The following TRPC1 variants were observed in gnomAD, a reference collection of about 807,000 sequenced individuals.
TRPC1 encodes transient receptor potential cation channel subfamily C member 1.
In TRPC1, 42 loss-of-function variants were observed where a neutral mutation model predicts 88.2. The ratio of observed to expected loss-of-function variants is 0.48; its 90% CI spans 0.37 to 0.62. The LOEUF (loss-of-function observed/expected upper bound fraction) is 0.62, where lower values mean the gene tolerates loss of function less well. TRPC1 is among the 20% of genes least tolerant of loss of function. The pLI is 0.00. For missense variants in TRPC1, 699 were observed against 957.3 expected (o/e 0.73, Z 3.56); for synonymous variants, 288 against 331.8 (o/e 0.87, Z 1.43).
At chr3:142,774,825 G>A (rs373406617) in intron 4 of TRPC1, among the ~76,000 whole-genome samples, 8 of 151,984 alleles carry the variant, frequency 5.3e-5, no homozygotes, top group Admixed American at 1.3e-4. Flanking sequence ...TTCATTATTC[G>A]TCAGATTATA....
In TRPC1 at chr3:142,724,576, A is replaced by T. The variant is rs2107997472; in HGVS notation, c.17A>T (p.Tyr6Phe). The T allele has an allele frequency of 6.3e-6, 10 of 1,582,656 alleles. No homozygotes were observed. The South Asian group carries it at 1.0e-4, about 16-fold the overall frequency. The stretch of plus-strand genomic sequence containing the variant: ...TGGGCCGCGATGATGGCGGCCCTGT[A>T]CCCGAGCACGGACCTCTCGGGCGCC... Reference protein sequence around the residue: MMAALYPSTDLSGASS... With the variant: MMAALFPSTDLSGASS... The change falls in exon 1 of 13, where the codon TAC becomes TTC. Residue 6 changes from tyrosine (Y) to phenylalanine (F), a missense_variant. Tyr to Phe is a conservative substitution (Grantham distance 22). Coordinates refer to ENST00000476941, the MANE Select transcript of TRPC1 (RefSeq NM_001251845.2). The surrounding 1 kb of genome is among the most constrained non-coding windows in gnomAD (Gnocchi z 5.6).
At chr3:142,796,783 G>A (rs1052235105) in intron 9 of TRPC1, among the ~76,000 whole-genome samples, 3 of 152,120 alleles carry the variant, frequency 2.0e-5, no homozygotes, top group African/African-American at 7.2e-5. Context: ...ACTAAGTAGT[G>A]AGAGGGTTCT....
chr3:142,740,368 C>G (rs925852447), intron 2 of TRPC1, among the ~76,000 whole-genome samples: 19 of 152,186 alleles, frequency 1.2e-4, no homozygotes, highest in African/African-American at 4.6e-4. Flanking sequence ...GTTGATTTGG[C>G]AGCTATCAGG....
intron 2 of TRPC1, among the ~76,000 whole-genome samples, chr3:142,741,308 T>C (rs933826007): frequency 7.2e-5 from 11 of 152,086 alleles, no homozygotes; most frequent in South Asian, 2.1e-4. Flanking sequence ...GAAATTTTAA[T>C]GTAAATGAAT....
intron 7 of TRPC1, among the ~76,000 whole-genome samples, chr3:142,787,382 A>T (rs1385391892): frequency 6.6e-6 from 1 of 152,228 alleles, no homozygotes; most frequent in Non-Finnish European, 1.5e-5. Context: ...ATTTCAAGCA[A>T]TGAACACAGT....
intron 4 of TRPC1, among the ~76,000 whole-genome samples, chr3:142,765,540 C>G (rs1391986569): frequency 2.0e-5 from 3 of 151,898 alleles, no homozygotes; most frequent in African/African-American, 7.3e-5. Context: ...TGATCTTTGA[C>G]AAAGTAAACA....
chr3:142,736,074 T>C (rs551358829), intron 1 of TRPC1, among the ~76,000 whole-genome samples: 1 of 152,252 alleles, frequency 6.6e-6, no homozygotes, highest in East Asian at 1.9e-4. Context: ...TTAAATTGCT[T>C]TAAATATCTT....
intron 3 of TRPC1, among the ~76,000 whole-genome samples, chr3:142,744,535 C>A (rs1302202547): frequency 6.6e-6 from 1 of 151,922 alleles, no homozygotes; most frequent in Non-Finnish European, 1.5e-5. Context: ...CATATATGTA[C>A]AATGGAATAT....
intron 10 of TRPC1, among the ~76,000 whole-genome samples, chr3:142,803,483 T>C (rs368936581): frequency 3.9e-5 from 6 of 152,252 alleles, no homozygotes; most frequent in East Asian, 1.9e-4. Flanking sequence ...GGATTTTGAG[T>C]TATTGAGATT....
intron 4 of TRPC1, among the ~76,000 whole-genome samples, chr3:142,751,371 TAC>T (rs1934756877): frequency 6.6e-6 from 1 of 152,210 alleles, no homozygotes; most frequent in Non-Finnish European, 1.5e-5. Context: ...ACTATTGTGT[TAC>T]AGTTACCTAC....
intron 4 of TRPC1, among the ~76,000 whole-genome samples, chr3:142,757,753 T>TATAC (rs1241058562): frequency 1.3e-5 from 2 of 152,144 alleles, no homozygotes; most frequent in African/African-American, 4.8e-5. Context: ...ATGGCACATG[T>TATAC]ATACCTATGT....
At chr3:142,781,125 C>G in intron 6 of TRPC1, 96 bp downstream of exon 6, 1 of 972,166 alleles carries the variant, frequency 1.0e-6, no homozygotes, top group Admixed American at 3.4e-5. Context: ...GGGTTAAGAT[C>G]CTAGTTCTGC....
intron 7 of TRPC1, among the ~76,000 whole-genome samples, chr3:142,785,869 T>C (rs983909957): frequency 6.6e-6 from 1 of 152,228 alleles, no homozygotes; most frequent in African/African-American, 2.4e-5. Flanking sequence ...AAATTTAGAT[T>C]TAAAGGAGTC....
At chr3:142,745,827 A>G (rs1349919119) in intron 3 of TRPC1, among the ~76,000 whole-genome samples, 1 of 150,282 alleles carries the variant, frequency 6.7e-6, no homozygotes, top group Non-Finnish European at 1.5e-5. Context: ...GCGTGATCTC[A>G]GGTCACTGCA....
intron 4 of TRPC1, among the ~76,000 whole-genome samples, chr3:142,754,442 G>A (rs1934888792): frequency 6.6e-6 from 1 of 152,076 alleles, no homozygotes; most frequent in Non-Finnish European, 1.5e-5. Context: ...ACGAGTTAAT[G>A]TAATGGATGC....
intron 1 of TRPC1, among the ~76,000 whole-genome samples, chr3:142,732,938 T>C (rs1285180240): frequency 1.3e-5 from 2 of 151,450 alleles, no homozygotes; most frequent in African/African-American, 4.9e-5. Context: ...ACATATATAC[T>C]CATCCTAAAA....
At chr3:142,753,146 G>A (rs1934838190) in intron 4 of TRPC1, among the ~76,000 whole-genome samples, 1 of 152,196 alleles carries the variant, frequency 6.6e-6, no homozygotes, top group Non-Finnish European at 1.5e-5. Flanking sequence ...GGGTCTTACA[G>A]GTTGAAGCTA....
At chr3:142,750,896 A>G (rs138132871) in intron 4 of TRPC1, among the ~76,000 whole-genome samples, 29 of 152,322 alleles carry the variant, frequency 1.9e-4, no homozygotes, top group African/African-American at 5.8e-4. Context: ...GTGTATACCT[A>G]TGTAACAAAC....
chr3:142,750,561 C>T (rs1266797312), intron 4 of TRPC1, among the ~76,000 whole-genome samples: 1 of 152,192 alleles, frequency 6.6e-6, no homozygotes, highest in Admixed American at 6.5e-5. Flanking sequence ...AATCCCATTA[C>T]TGGATATATA....
Sources: gnomAD v4.1 joint callset for allele counts (sites outside exome capture counted in the v4.1 genomes callset) on GRCh38, gnomAD v4.1.1 for gene constraint, Gnocchi (gnomAD v3.1) non-coding constraint, MANE v1.5 for transcripts, NCBI Gene and HGNC (gene_info 2026-07-23, HGNC 2026-07-21) for gene names.